SLC5A3: variants seen among roughly 807,000 people sequenced by gnomAD.
SLC5A3 encodes the protein solute carrier family 5 member 3.
Under a neutral mutation model 43.2 loss-of-function variants are expected in SLC5A3, and 10 were observed. The ratio of observed to expected loss-of-function variants is 0.23; its 90% CI spans 0.14 to 0.39. The LOEUF is 0.39. Ranked by LOEUF, SLC5A3 falls within the 10% of genes least tolerant of loss-of-function variation. The probability of loss-of-function intolerance (pLI) is 1.00; values close to 1 mark genes in which losing one functional copy is unlikely to be tolerated. For missense variants in SLC5A3, 608 were observed against 893.4 expected (o/e 0.68, Z 4.07); for synonymous variants, 349 against 322.0 (o/e 1.08, Z -0.90).
rs894793008 is a variant in SLC5A3, at chr21:34,101,973, G to T, written c.*4618G>T. 1.8e-4 allele frequency: 176 copies of T among 999,906 alleles called. No homozygotes were observed. The highest frequency in any genetic ancestry group is 2.0e-4 in the Non-Finnish European group (165 of 829,862). 61.9% of individuals were successfully genotyped at this position (999,906 alleles called of 1,614,324 possible). A position where few individuals can be genotyped will look rare whatever the true frequency, so the allele number is the denominator to read the frequency against. On this transcript the variant is annotated 3_prime_UTR_variant, in exon 2 of 2. Coordinates refer to ENST00000381151, the MANE Select transcript of SLC5A3 (RefSeq NM_006933.7). ...GTTTTGATGCCAAAAAGGTTTTTTT[G>T]CAGTAAAAGTAAAAATTTGGAATTA...
Position 34,106,139 on chromosome 21 carries a change from A to G in SLC5A3, c.*8784A>G, listed in dbSNP as rs1466767659. ...CAAAAGTATTTGGAAACTTAAGATG[A>G]ACTACATTTCTTGCAAAGTACATTC... is the stretch of plus-strand genomic sequence containing the variant. On this transcript the variant is annotated 3_prime_UTR_variant, in exon 2 of 2. Transcript: ENST00000381151. 3 of 995,458 alleles carry G rather than the reference A, an allele frequency of 3.0e-6. No homozygotes were observed. Among genetic ancestry groups the G allele is most frequent in the Non-Finnish European group, 3.6e-6 (3 of 825,694 alleles). 61.7% of individuals were successfully genotyped at this position (995,458 alleles called of 1,614,324 possible).
In SLC5A3 at chr21:34,097,719, G is replaced by A; in HGVS notation, c.*364G>A. On this transcript the variant is annotated 3_prime_UTR_variant, in exon 2 of 2. Transcript: ENST00000381151. ...AAGTCTTGGCAGACCTTACCCTGAAGTAGAAGATTTGCTCATTTCTAAATT... is the reference window on the plus strand; with the variant it reads ...AAGTCTTGGCAGACCTTACCCTGAAATAGAAGATTTGCTCATTTCTAAATT... 9.9e-7 allele frequency: 1 copy of A among 1,009,844 alleles called. No individual in the cohort carries two copies. The highest frequency in any genetic ancestry group is 1.2e-6 in the Non-Finnish European group (1 of 836,730). 62.6% of individuals were successfully genotyped at this position (1,009,844 alleles called of 1,614,324 possible). A position where few individuals can be genotyped will look rare whatever the true frequency, so the allele number is the denominator to read the frequency against.
chr21:34,101,769 TTC>T lies in SLC5A3; in HGVS notation c.*4416_*4417del. On this transcript the variant is annotated 3_prime_UTR_variant, in exon 2 of 2. Transcript: ENST00000381151. ...TAATTATGTTTTAAGTATACTGAAT[TTC>T]TGTTAGCTTAAAATGTTAATTCTCA... 1 of 995,766 alleles carries T rather than the reference TTC, an allele frequency of 1.0e-6. No homozygotes were observed. The highest frequency in any genetic ancestry group is 1.2e-6 in the Non-Finnish European group (1 of 826,146). 61.7% of individuals were successfully genotyped at this position (995,766 alleles called of 1,614,324 possible).
In SLC5A3 at chr21:34,102,782, C is replaced by T; in HGVS notation, c.*5427C>T. 2 of 1,000,022 alleles carry T rather than the reference C, an allele frequency of 2.0e-6. No homozygotes were observed. Among genetic ancestry groups the T allele is most frequent in the Non-Finnish European group, 2.4e-6 (2 of 829,808 alleles). 61.9% of individuals were successfully genotyped at this position (1,000,022 alleles called of 1,614,324 possible). A position where few individuals can be genotyped will look rare whatever the true frequency, so the allele number is the denominator to read the frequency against. The stretch of plus-strand genomic sequence containing the variant: ...GGTTTTGCTCTATACCACTGAAAAG[C>T]ACTATAACATAATTGTTGTCCATGA... On this transcript the variant is annotated 3_prime_UTR_variant, in exon 2 of 2. Transcript: ENST00000381151.
At position 34,095,865 on chromosome 21, in the gene SLC5A3, G is replaced by T; in HGVS notation, c.667G>T (p.Asp223Tyr). 1 of 1,614,036 alleles carries T rather than the reference G, an allele frequency of 6.2e-7. No individual in the cohort carries two copies. Among genetic ancestry groups the T allele is most frequent in the Non-Finnish European group, 8.5e-7 (1 of 1,179,974 alleles). The change falls in exon 2 of 2, where the codon GAT becomes TAT. Residue 223 changes from aspartate to tyrosine, a missense_variant. By Grantham distance (160) the Asp-to-Tyr change is radical (BLOSUM62 -3). This residue lies in a region of SLC5A3 where 398 missense variants were observed against 668.6 expected (regional missense o/e 0.60). Coordinates refer to ENST00000381151, the MANE Select transcript of SLC5A3 (RefSeq NM_006933.7). ...VKRRYMLASP[D>Y]VTSILLTYNL... ...GAGAAGGTACATGTTGGCCTCACCC[G>T]ATGTCACTTCCATCTTATTGACATA... is the stretch of plus-strand genomic sequence containing the variant.
intron 1 of SLC5A3, among the ~76,000 whole-genome samples, chr21:34,074,049 C>G (rs1191338267): frequency 1.4e-5 from 2 of 146,130 alleles, no homozygotes; most frequent in South Asian, 4.2e-4. Context: ...CGACCCCGAT[C>G]CCGGCGCCGG....
At chr21:34,077,061 C>A (rs903414694) in intron 1 of SLC5A3, among the ~76,000 whole-genome samples, 123 of 152,292 alleles carry the variant, frequency 8.1e-4, no homozygotes, top group African/African-American at 2.9e-3. Context: ...CACCCTGCCC[C>A]CCCTGCAATG....
chr21:34,073,842 C>T lies in SLC5A3; in HGVS notation c.-337+97C>T, dbSNP rs1989250867. 6.3e-6 allele frequency: 5 copies of T among 790,314 alleles called. No individual in the cohort carries two copies. The South Asian group carries it at 9.4e-5, about 15-fold the overall frequency. The allele number at this position is 790,314 out of a possible 1,614,324, so 49.0% of individuals were successfully genotyped here. A position where few individuals can be genotyped will look rare whatever the true frequency, so the allele number is the denominator to read the frequency against. On this transcript the variant is annotated intron_variant, in intron 1 of 1. Coordinates refer to ENST00000381151, the MANE Select transcript of SLC5A3 (RefSeq NM_006933.7). ...CGCGCCCTGGCCGCGGGACCCCGGG[C>T]CTTCCTGCACTCCTCGGAGGAGGCC...
In SLC5A3 at chr21:34,104,699, G is replaced by T. The variant is rs1036383656; in HGVS notation, c.*7344G>T. ...GAATATCAAACCTCAGGCCTGGGGGGATGAGGGGAAGAAGATTACCAGAAG... is the reference window on the plus strand; with the variant it reads ...GAATATCAAACCTCAGGCCTGGGGGTATGAGGGGAAGAAGATTACCAGAAG... On this transcript the variant is annotated 3_prime_UTR_variant, in exon 2 of 2. Transcript: ENST00000381151. 1.0e-6 allele frequency: 1 copy of T among 1,000,026 alleles called. No homozygotes were observed. The highest frequency in any genetic ancestry group is 1.7e-5 in the African/African-American group (1 of 57,216). 61.9% of individuals were successfully genotyped at this position (1,000,026 alleles called of 1,614,324 possible). A position where few individuals can be genotyped will look rare whatever the true frequency, so the allele number is the denominator to read the frequency against.
In SLC5A3 at chr21:34,096,563, G is replaced by A; in HGVS notation, c.1365G>A (p.Leu455=). Residue 455 remains leucine (L), a synonymous_variant, in exon 2 of 2, where the codon TTG becomes TTA. Coordinates refer to ENST00000381151, the MANE Select transcript of SLC5A3 (RefSeq NM_006933.7). This position sits in a 1 kb window ranked among gnomAD's most constrained non-coding sequence, Gnocchi z 5.9. ...ADYLTPPVAA[L]FLLAIFWKRC... The stretch of plus-strand genomic sequence containing the variant: ...ACCTGACACCCCCAGTGGCAGCCTT[G>A]TTCCTGCTGGCAATTTTCTGGAAGC... 6.2e-7 allele frequency: 1 copy of A among 1,614,034 alleles called. No individual in the cohort carries two copies. Among genetic ancestry groups the A allele is most frequent in the Non-Finnish European group, 8.5e-7 (1 of 1,179,994 alleles).
chr21:34,093,439 A>G (rs1301784090), intron 1 of SLC5A3, among the ~76,000 whole-genome samples: 1 of 152,184 alleles, frequency 6.6e-6, no homozygotes, highest in African/African-American at 2.4e-5. Flanking sequence ...TTTGTAGGGC[A>G]GTAGTCTCTA....
At chr21:34,090,612 G>A (rs1978636609) in intron 1 of SLC5A3, among the ~76,000 whole-genome samples, 2 of 152,244 alleles carry the variant, frequency 1.3e-5, no homozygotes, top group Non-Finnish European at 2.9e-5. Context: ...AATTTGAAAG[G>A]AACTAATATC....
Position 34,105,953 on chromosome 21 carries a change from A to T in SLC5A3, c.*8598A>T. 1 of 992,764 alleles carries T rather than the reference A, an allele frequency of 1.0e-6. No homozygotes were observed. The highest frequency in any genetic ancestry group is 1.2e-6 in the Non-Finnish European group (1 of 823,114). The allele number at this position is 992,764 out of a possible 1,614,324, so 61.5% of individuals were successfully genotyped here. On this transcript the variant is annotated 3_prime_UTR_variant, in exon 2 of 2. Coordinates refer to ENST00000381151, the MANE Select transcript of SLC5A3 (RefSeq NM_006933.7). ...TACAATCTGATTTTTTAAAATTGTA[A>T]ACATGTATGATCTTGGTTTCATGTG...
rs1979222216 is a variant in SLC5A3, at chr21:34,101,221, T to C, written c.*3866T>C. Reference sequence around the variant, plus strand: ...CAAATATTAGCTTAAAATCTGCATATGTAGAATCATTTTCATTAGATTTAG... The same window carrying C: ...CAAATATTAGCTTAAAATCTGCATACGTAGAATCATTTTCATTAGATTTAG... On this transcript the variant is annotated 3_prime_UTR_variant, in exon 2 of 2. Coordinates refer to ENST00000381151, the MANE Select transcript of SLC5A3 (RefSeq NM_006933.7). 2.0e-6 allele frequency: 2 copies of C among 999,938 alleles called. No homozygotes were observed. The highest frequency in any genetic ancestry group is 1.7e-5 in the African/African-American group (1 of 57,212). The allele number at this position is 999,938 out of a possible 1,614,324, so 61.9% of individuals were successfully genotyped here. A position where few individuals can be genotyped will look rare whatever the true frequency, so the allele number is the denominator to read the frequency against.
chr21:34,104,764 A>G lies in SLC5A3; in HGVS notation c.*7409A>G. 1.0e-6 allele frequency: 1 copy of G among 1,000,322 alleles called. No homozygotes were observed. The highest frequency in any genetic ancestry group is 1.2e-6 in the Non-Finnish European group (1 of 829,992). The allele number at this position is 1,000,322 out of a possible 1,614,324, so 62.0% of individuals were successfully genotyped here. On this transcript the variant is annotated 3_prime_UTR_variant, in exon 2 of 2. Coordinates refer to ENST00000381151, the MANE Select transcript of SLC5A3 (RefSeq NM_006933.7). Reference sequence around the variant, plus strand: ...GTTTGAGGAACACCCTTGGCTTAGCAACATGTGATAATGCAAAGCTGTTAT... The same window carrying G: ...GTTTGAGGAACACCCTTGGCTTAGCGACATGTGATAATGCAAAGCTGTTAT...
In SLC5A3 at chr21:34,103,319, A is replaced by AAT; in HGVS notation, c.*5965_*5966insTA. 1.0e-6 allele frequency: 1 copy of AAT among 992,188 alleles called. No homozygotes were observed. Among genetic ancestry groups the AAT allele is most frequent in the East Asian group, 1.1e-4 (1 of 8,776 alleles). 61.5% of individuals were successfully genotyped at this position (992,188 alleles called of 1,614,324 possible). A position where few individuals can be genotyped will look rare whatever the true frequency, so the allele number is the denominator to read the frequency against. ...TGTCGTAACTAGTGAAGGAAGTAAA[A>AAT]AAAAAAAAAAAACATGCATTACATT... On this transcript the variant is annotated 3_prime_UTR_variant, in exon 2 of 2. Coordinates refer to ENST00000381151, the MANE Select transcript of SLC5A3 (RefSeq NM_006933.7).
chr21:34,074,569 G>A (rs1397952264), intron 1 of SLC5A3, among the ~76,000 whole-genome samples: 3 of 152,238 alleles, frequency 2.0e-5, no homozygotes, highest in Non-Finnish European at 4.4e-5. Context: ...CGGCCCGGAG[G>A]CAGCTCACTT....
rs1979216500 is a variant in SLC5A3, at chr21:34,101,091, A to T, written c.*3736A>T. 2.7e-5 allele frequency: 27 copies of T among 1,000,174 alleles called. No individual in the cohort carries two copies. Among genetic ancestry groups the T allele is most frequent in the Non-Finnish European group, 3.3e-5 (27 of 829,928 alleles). The allele number at this position is 1,000,174 out of a possible 1,614,324, so 62.0% of individuals were successfully genotyped here. On this transcript the variant is annotated 3_prime_UTR_variant, in exon 2 of 2. Coordinates refer to ENST00000381151, the MANE Select transcript of SLC5A3 (RefSeq NM_006933.7). ...AAGACCTTTCCTGTTAAATTACGTG[A>T]CTACAGAGACTTGCCAGGACAAAAT...
intron 1 of SLC5A3, among the ~76,000 whole-genome samples, chr21:34,074,235 C>A (rs1460708353): frequency 6.6e-6 from 1 of 151,466 alleles, no homozygotes. Flanking sequence ...TAGCGCCCGC[C>A]GGCCGCCCGG....
Sources: gnomAD v4.1 joint callset for allele counts (sites outside exome capture counted in the v4.1 genomes callset) on GRCh38, gnomAD v4.1.1 for gene constraint, gnomAD v4.1.1 regional missense constraint, Gnocchi (gnomAD v3.1) non-coding constraint, MANE v1.5 for transcripts, NCBI Gene and HGNC (gene_info 2026-07-23, HGNC 2026-07-21) for gene names.